The following DGKB variants were observed in gnomAD, a reference collection of about 807,000 sequenced individuals.
The protein encoded by DGKB is 90 kDa diacylglycerol kinase.
DGKB carries 67 observed loss-of-function variants against 114.3 expected under a neutral mutation model. That is an observed-to-expected ratio of 0.59 (90% confidence interval 0.48 to 0.72). DGKB has a LOEUF of 0.72. DGKB is among the 30% of genes least tolerant of loss of function. The pLI is 0.00. For synonymous variants in DGKB, 398 were observed against 323.1 expected (o/e 1.23, Z -2.49); for missense variants, 907 against 975.2 (o/e 0.93, Z 0.93).
chr7:14,795,773 A>G (rs1466087187), intron 2 of DGKB, among the ~76,000 whole-genome samples: 2 of 152,162 alleles, frequency 1.3e-5, no homozygotes, highest in African/African-American at 4.8e-5. Context: ...CCTATGGACT[A>G]GGCTTACTGA....
chr7:14,939,647 T>TTTTTTTTTTG (rs1785462020), intron 1 of DGKB, among the ~76,000 whole-genome samples: 1 of 142,528 alleles, frequency 7.0e-6, no homozygotes, highest in Non-Finnish European at 1.5e-5. Context: ...TTTTTTTTTT[T>TTTTTTTTTTG]GAGACGGAGT....
chr7:14,820,401 T>G (rs1844760432), intron 2 of DGKB, among the ~76,000 whole-genome samples: 1 of 152,160 alleles, frequency 6.6e-6, no homozygotes, highest in Non-Finnish European at 1.5e-5. Flanking sequence ...TATAGTATGG[T>G]GTGCCAAATG....
chr7:14,535,620 C>T (rs1004079782), intron 20 of DGKB, among the ~76,000 whole-genome samples: 2 of 152,046 alleles, frequency 1.3e-5, no homozygotes, highest in African/African-American at 4.8e-5. Context: ...CGGAGTCTTG[C>T]TCTGTCACCC....
intron 21 of DGKB, among the ~76,000 whole-genome samples, chr7:14,393,241 G>A (rs149855777): frequency 0.028 from 4,267 of 151,574 alleles, 215 homozygotes; most frequent in African/African-American, 0.097. Flanking sequence ...CGCCCGCCTC[G>A]GCCTCCCAAA....
chr7:14,852,487 C>CAAAAAAAAAAAAACAAAAAAAAAAAA, intron 1 of DGKB, among the ~76,000 whole-genome samples: 1 of 63,634 alleles, frequency 1.6e-5, no homozygotes, highest in Admixed American at 1.6e-4. Flanking sequence ...TAGTGAAAGT[C>CAAAAAAAAAAAAACAAAAAAAAAAAA]AAAAAAAAAA....
chr7:14,415,376 C>T (rs967836553), intron 21 of DGKB, among the ~76,000 whole-genome samples: 3 of 151,624 alleles, frequency 2.0e-5, no homozygotes, highest in African/African-American at 7.3e-5. Context: ...CCCATTAACT[C>T]GTCATTTAGC....
At chr7:14,853,541 G>A (rs369107607) in intron 1 of DGKB, among the ~76,000 whole-genome samples, 5 of 151,760 alleles carry the variant, frequency 3.3e-5, no homozygotes, top group African/African-American at 9.7e-5. Flanking sequence ...TTAGAAGTGA[G>A]TTTAAAACAT....
intron 23 of DGKB, among the ~76,000 whole-genome samples, chr7:14,226,228 C>T (rs770710013): frequency 6.6e-6 from 1 of 151,842 alleles, no homozygotes; most frequent in Non-Finnish European, 1.5e-5. Context: ...GGGAAAAATG[C>T]TATTACAAAC....
chr7:14,196,665 G>T (rs1785059268), intron 23 of DGKB, among the ~76,000 whole-genome samples: 2 of 151,968 alleles, frequency 1.3e-5, no homozygotes, highest in South Asian at 2.1e-4. Flanking sequence ...AAGTAGCAGA[G>T]AAATCTATTC....
chr7:14,513,632 T>A (rs991356245), intron 20 of DGKB, among the ~76,000 whole-genome samples: 12 of 152,134 alleles, frequency 7.9e-5, no homozygotes, highest in Non-Finnish European at 1.6e-4. Flanking sequence ...TTGAAGGTCA[T>A]TTTTAAACAA....
At chr7:14,702,415 T>C (rs1231322469) in intron 6 of DGKB, among the ~76,000 whole-genome samples, 2 of 152,140 alleles carry the variant, frequency 1.3e-5, no homozygotes, top group Admixed American at 1.3e-4. Context: ...GTTTATTTGT[T>C]TAAATCTGAG....
intron 23 of DGKB, among the ~76,000 whole-genome samples, chr7:14,336,715 C>T (rs1810740612): frequency 6.6e-6 from 1 of 151,998 alleles, no homozygotes; most frequent in Non-Finnish European, 1.5e-5. Flanking sequence ...AATGTGTGTT[C>T]CTGAAAAAAA....
intron 6 of DGKB, among the ~76,000 whole-genome samples, chr7:14,711,059 G>T (rs1827275933): frequency 6.6e-6 from 1 of 151,950 alleles, no homozygotes; most frequent in Non-Finnish European, 1.5e-5. Flanking sequence ...TGAAAATTTT[G>T]AACAGGTTTT....
At chr7:14,904,772 C>T (rs1783593222), upstream of DGKB, among the ~76,000 whole-genome samples, 1 of 152,076 alleles carries the variant, frequency 6.6e-6, no homozygotes, top group Non-Finnish European at 1.5e-5. Flanking sequence ...TGTTGTCTGT[C>T]CATTAAATAA....
intron 20 of DGKB, among the ~76,000 whole-genome samples, chr7:14,555,285 G>T (rs1023000758): frequency 1.3e-5 from 2 of 151,942 alleles, no homozygotes; most frequent in Non-Finnish European, 2.9e-5. Flanking sequence ...CTTTGTTTTT[G>T]TCTAACTTTA....
At chr7:14,170,157 G>GAA (rs1194161505) in intron 25 of DGKB, among the ~76,000 whole-genome samples, 1 of 87,288 alleles carries the variant, frequency 1.1e-5, no homozygotes, top group African/African-American at 7.6e-5. Flanking sequence ...AAGAAAGAAA[G>GAA]AAAGAAAGAA....
intron 25 of DGKB, 70 bp downstream of exon 25, chr7:14,176,769 T>A: frequency 6.4e-7 from 1 of 1,560,670 alleles, no homozygotes. Flanking sequence ...AAATCAGTTA[T>A]TGTGGTTATT....
chr7:14,606,830 A>G (rs1397029288), intron 17 of DGKB, among the ~76,000 whole-genome samples: 1 of 152,094 alleles, frequency 6.6e-6, no homozygotes, highest in African/African-American at 2.4e-5. Context: ...GTTAACAATG[A>G]AGTATAAGAG....
At chr7:14,315,923 A>C (rs1806394230) in intron 23 of DGKB, among the ~76,000 whole-genome samples, 1 of 151,902 alleles carries the variant, frequency 6.6e-6, no homozygotes. Flanking sequence ...CAGAAATTAT[A>C]ACAAACTGTC....
Sources: allele counts gnomAD v4.1 joint callset (sites outside exome capture counted in the v4.1 genomes callset), GRCh38; gene constraint gnomAD v4.1.1; transcripts MANE v1.5; gene names NCBI Gene and HGNC (gene_info 2026-07-23, HGNC 2026-07-21).